Variants in MOGAT1 observed in about 807,000 individuals in gnomAD.
The protein encoded by MOGAT1 is 2-acylglycerol O-acyltransferase 1.
In MOGAT1, 32 loss-of-function variants were observed where a neutral mutation model predicts 31.4. That is an observed-to-expected ratio of 1.02 (90% CI 0.77 to 1.37). The LOEUF is 1.37. Among genes scored for constraint, MOGAT1 ranks in the 40% most tolerant of loss-of-function variants. The probability of loss-of-function intolerance (pLI) is 0.00; values close to 1 mark genes in which losing one functional copy is unlikely to be tolerated. For synonymous variants in MOGAT1, 145 were observed against 144.5 expected (o/e 1.00, Z -0.03); for missense variants, 426 against 402.0 (o/e 1.06, Z -0.51).
At chr2:222,703,386 GTTTT>G (rs370290626) in intron 5 of MOGAT1, among the ~76,000 whole-genome samples, 1 of 151,848 alleles carries the variant, frequency 6.6e-6, no homozygotes, top group African/African-American at 2.4e-5. Flanking sequence ...GTACCTGAGG[GTTTT>G]TTTGTTTGTT....
chr2:222,689,812 CA>C (rs1692731098), intron 3 of MOGAT1, among the ~76,000 whole-genome samples: 1 of 152,206 alleles, frequency 6.6e-6, no homozygotes, highest in Non-Finnish European at 1.5e-5. Context: ...AAGTAAGTGA[CA>C]AATCACACCC....
chr2:222,677,803 A>C, intron 1 of MOGAT1: 1 of 289,684 alleles, frequency 3.5e-6, no homozygotes, highest in Non-Finnish European at 7.0e-6. Flanking sequence ...ATCTACATTC[A>C]TTCTAATCTT....
chr2:222,676,627 T>C (rs1261128836), intron 1 of MOGAT1, among the ~76,000 whole-genome samples: 46 of 152,218 alleles, frequency 3.0e-4, no homozygotes, highest in Non-Finnish European at 1.0e-4. Flanking sequence ...CTTGATTATA[T>C]GACAGTTGCA....
Position 222,695,090 on chromosome 2 carries a change from G to A in MOGAT1, c.655G>A (p.Ala219Thr), listed in dbSNP as rs201526036. 583 of 1,582,776 alleles carry A rather than the reference G, an allele frequency of 3.7e-4. No homozygotes were observed. The highest frequency in any genetic ancestry group is 4.5e-4 in the Non-Finnish European group (523 of 1,165,298). Residue 219 changes from alanine (A) to threonine (T), a missense_variant and splice_region_variant, in exon 5 of 6, where the codon GCC (alanine) becomes ACC (threonine). Transcript: ENST00000446656. ...GFVKIALTHGASLVPVVSFGE... is the reference protein window; with the variant it reads ...GFVKIALTHGTSLVPVVSFGE... The stretch of plus-strand genomic sequence containing the variant: ...CACCCGTCCCCTTTGTTATTGCAGC[G>A]CCTCTCTGGTCCCAGTGGTTTCTTT...
chr2:222,683,205 G>GA (rs34380001), intron 1 of MOGAT1, among the ~76,000 whole-genome samples: 55,420 of 133,660 alleles, frequency 0.41, 11,821 homozygotes, highest in African/African-American at 0.6. Flanking sequence ...CCCTGTCTCA[G>GA]AAAAAAAAAA....
At position 222,703,869 on chromosome 2, in the gene MOGAT1, C is replaced by T. The variant is rs1473746413; in HGVS notation, c.854-5867C>T. On this transcript the variant is annotated intron_variant, in intron 5 of 5. Coordinates refer to ENST00000446656, the MANE Select transcript of MOGAT1 (RefSeq NM_058165.3). ...ATGAATAATCTACTGGTTGCCTCCA[C>T]GAGAAAAAAAATAATGCCCACTTCT... Among the ~76,000 whole-genome samples, 11 of 150,986 alleles carry T rather than the reference C, an allele frequency of 7.3e-5. 1 individual carries two copies. Among genetic ancestry groups the T allele is most frequent in the Admixed American group, 4.6e-4 (7 of 15,146 alleles).
Position 222,689,496 on chromosome 2 carries a change from A to T in MOGAT1, c.478+27A>T, listed in dbSNP as rs1177242484. 4 of 1,602,966 alleles carry T rather than the reference A, an allele frequency of 2.5e-6. No homozygotes were observed. In the African/African-American group the frequency reaches 5.4e-5, roughly 21 times the overall value. ...TAAGTGATGGCAGATCACTGTTTCC[A>T]CAGTGCTTTGGGGTAGCAGGAGCAC... On this transcript the variant is annotated intron_variant, in intron 3 of 5. Transcript: ENST00000446656.
At chr2:222,672,562 GT>G (rs986050060) in intron 1 of MOGAT1, among the ~76,000 whole-genome samples, 2 of 152,156 alleles carry the variant, frequency 1.3e-5, no homozygotes, top group South Asian at 4.2e-4. Flanking sequence ...TTTTCTTTTT[GT>G]TTTTTGTTTT....
chr2:222,682,465 G>GC (rs1280272762), intron 1 of MOGAT1, among the ~76,000 whole-genome samples: 2 of 152,250 alleles, frequency 1.3e-5, no homozygotes, highest in East Asian at 3.9e-4. Context: ...CTTGTAGAGT[G>GC]CCCCCCAACC....
At chr2:222,688,090 C>T (rs987815696) in intron 1 of MOGAT1, among the ~76,000 whole-genome samples, 1 of 152,164 alleles carries the variant, frequency 6.6e-6, no homozygotes, top group Non-Finnish European at 1.5e-5. Context: ...AGTACTGTGG[C>T]TACTTTATTG....
chr2:222,708,072 T>TTTG (rs1693032727), intron 5 of MOGAT1, among the ~76,000 whole-genome samples: 1 of 152,002 alleles, frequency 6.6e-6, no homozygotes, highest in African/African-American at 2.4e-5. Flanking sequence ...TTTTCTTTTT[T>TTTG]TTGTTGTTGT....
Position 222,694,391 on chromosome 2 carries a change from T to G in MOGAT1, c.508T>G (p.Ser170Ala), listed in dbSNP as rs1338136031. The change falls in exon 4 of 6, where the codon TCC becomes GCC. Residue 170 changes from serine (S) to alanine (A), a missense_variant. Coordinates refer to ENST00000446656, the MANE Select transcript of MOGAT1 (RefSeq NM_058165.3). ...GLVSVSKKSVSYMVSKEGGGN... is the reference protein window; with the variant it reads ...GLVSVSKKSVAYMVSKEGGGN... ...GGTTTCAGTTTCCAAGAAAAGTGTGTCCTACATGGTAAGCAAGGAGGGAGG... is the reference window on the plus strand; with the variant it reads ...GGTTTCAGTTTCCAAGAAAAGTGTGGCCTACATGGTAAGCAAGGAGGGAGG... The G allele has an allele frequency of 6.2e-7, 1 of 1,613,110 alleles. No homozygotes were observed. Among genetic ancestry groups the G allele is most frequent in the East Asian group, 2.2e-5 (1 of 44,878 alleles).
At chr2:222,707,602 TC>T (rs1693025583) in intron 5 of MOGAT1, among the ~76,000 whole-genome samples, 2 of 152,178 alleles carry the variant, frequency 1.3e-5, no homozygotes, top group African/African-American at 4.8e-5. Flanking sequence ...AGTCCATATT[TC>T]CAGCCACAAT....
intron 1 of MOGAT1, among the ~76,000 whole-genome samples, chr2:222,687,131 AAAAAAAAAGAAAGAAC>A (rs1337857111): frequency 3.3e-5 from 4 of 120,984 alleles, no homozygotes; most frequent in African/African-American, 1.6e-4. Flanking sequence ...AAAAAAAAAA[AAAAAAAAAGAAAGAAC>A]AAGAAAGAAA....
At chr2:222,691,937 C>T (rs557759917) in intron 3 of MOGAT1, among the ~76,000 whole-genome samples, 6 of 152,318 alleles carry the variant, frequency 3.9e-5, no homozygotes, top group South Asian at 4.1e-4. Flanking sequence ...GAGCCAACTG[C>T]GTTTCAGGTT....
At chr2:222,701,273 A>T (rs1428202958) in intron 5 of MOGAT1, among the ~76,000 whole-genome samples, 1 of 122,836 alleles carries the variant, frequency 8.1e-6, no homozygotes, top group Non-Finnish European at 1.7e-5. Flanking sequence ...AAAGAGAGAA[A>T]AAGAGAGAGA....
Position 222,681,506 on chromosome 2 carries a change from C to G in MOGAT1, c.95-6838C>G, listed in dbSNP as rs529919097. 3.3e-5 allele frequency among the ~76,000 whole-genome samples: 5 copies of G among 152,206 alleles called. No homozygotes were observed. The East Asian group carries it at 7.7e-4, about 24-fold the overall frequency. ...CTGTCCCCATGGTGTTGGGGTACAC[C>G]AATCTCTCAGCTTGTGATTGTGTTC... On this transcript the variant is annotated intron_variant, in intron 1 of 5. Coordinates refer to ENST00000446656, the MANE Select transcript of MOGAT1 (RefSeq NM_058165.3).
At chr2:222,680,830 CTT>C (rs1342645612) in intron 1 of MOGAT1, among the ~76,000 whole-genome samples, 2 of 152,090 alleles carry the variant, frequency 1.3e-5, no homozygotes, top group East Asian at 1.9e-4. Context: ...AAGTTAAAGT[CTT>C]AAATTATTTC....
intron 5 of MOGAT1, among the ~76,000 whole-genome samples, chr2:222,703,862 G>T (rs1415979229): frequency 6.6e-6 from 1 of 151,134 alleles, no homozygotes; most frequent in Non-Finnish European, 1.5e-5. Context: ...TCTACTGGTT[G>T]CCTCCACGAG....
Sources: gnomAD v4.1 joint callset for allele counts (sites outside exome capture counted in the v4.1 genomes callset) on GRCh38, gnomAD v4.1.1 for gene constraint, MANE v1.5 for transcripts, NCBI Gene and HGNC (gene_info 2026-07-23, HGNC 2026-07-21) for gene names.